Variants in PRRG2 observed in about 807,000 individuals in gnomAD.
PRRG2 encodes transmembrane gamma-carboxyglutamic acid protein 2.
PRRG2 carries 23 observed loss-of-function variants against 27.1 expected under a neutral mutation model. The ratio of observed to expected loss-of-function variants is 0.85; its 90% confidence interval spans 0.61 to 1.20. The LOEUF (loss-of-function observed/expected upper bound fraction) is 1.20. Ranked by LOEUF, PRRG2 falls within the 50% of genes most tolerant of loss-of-function variation. The probability of loss-of-function intolerance (pLI) is 0.00; values close to 1 mark genes in which losing one functional copy is unlikely to be tolerated. For missense variants in PRRG2, 276 were observed against 254.8 expected (o/e 1.08, Z -0.57); for synonymous variants, 104 against 103.4 (o/e 1.01, Z -0.03).
intron 4 of PRRG2, among the ~76,000 whole-genome samples, chr19:49,586,167 G>C (rs1472278208): frequency 6.7e-6 from 1 of 149,978 alleles, no homozygotes; most frequent in Non-Finnish European, 1.5e-5. Context: ...CTGCAGCCTC[G>C]ACCTCCTAGG....
At position 49,583,729 on chromosome 19, in the gene PRRG2, G is replaced by C. The variant is rs777733518; in HGVS notation, c.261+12G>C. The C allele has an allele frequency of 1.2e-6, 2 of 1,612,676 alleles. No individual in the cohort carries two copies. The highest frequency in any genetic ancestry group is 2.2e-5 in the South Asian group (2 of 91,032). ...ACAACACTCTCACGGTGAGGGCCTC[G>C]AGACCCTGGAGTTTCGGGCCCTCTC... On this transcript the variant is annotated intron_variant, in intron 3 of 6. Transcript: ENST00000246794.
intron 1 of PRRG2, 31 bp from the exon 2 acceptor site, chr19:49,583,176 C>A (rs1393343107): frequency 1.9e-6 from 3 of 1,573,844 alleles, no homozygotes; most frequent in Non-Finnish European, 2.6e-6. Context: ...GGGACTAAGG[C>A]CCTTGTCAGC....
chr19:49,589,941 G>A lies in PRRG2; in HGVS notation c.479G>A (p.Gly160Asp). The A allele has an allele frequency of 6.2e-7, 1 of 1,609,610 alleles. No individual in the cohort carries two copies. Residue 160 changes from glycine (G) to aspartate (D), a missense_variant, in exon 6 of 7, where the codon GGC (glycine) becomes GAC (aspartate). Physicochemically the swap from Gly to Asp is moderately conservative, Grantham distance 94 (BLOSUM62 -1). Transcript: ENST00000246794. The stretch of plus-strand genomic sequence containing the variant: ...CCTCTGAGTCCTTTGAACCCTCTGG[G>A]CCCACCGACGCCCCTGCCTCCACCC... ...ISPLSPLNPL[G>D]PPTPLPPPPP...
At chr19:49,590,338 C>G (rs905322184) in intron 6 of PRRG2, 33 bp from the exon 7 acceptor site, 2 of 1,614,036 alleles carry the variant, frequency 1.2e-6, no homozygotes, top group East Asian at 2.2e-5. Flanking sequence ...ACAGCCAGAT[C>G]TTTGACTCCC....
Position 49,590,628 on chromosome 19 carries a change from C to T in PRRG2, c.*239C>T. 1 of 590,802 alleles carries T rather than the reference C, an allele frequency of 1.7e-6. No individual in the cohort carries two copies. The allele number at this position is 590,802 out of a possible 1,614,324, so 36.6% of individuals were successfully genotyped here. A position where few individuals can be genotyped will look rare whatever the true frequency, so the allele number is the denominator to read the frequency against. On this transcript the variant is annotated 3_prime_UTR_variant, in exon 7 of 7. Transcript: ENST00000246794. Reference sequence around the variant, plus strand: ...TCACGGGCCCCCACACTCTCCTGACCGTGAGGGCACTGGTCAGTTCCGCCC... The same window carrying T: ...TCACGGGCCCCCACACTCTCCTGACTGTGAGGGCACTGGTCAGTTCCGCCC...
rs777401895 is a variant in PRRG2 at position 49,590,368 on chromosome 19, C to G, written c.591-3C>G. ...ACTCCCTAGTGTGCCTTTCCTCTTG[C>G]AGCCTCAGGAGGCCTCACTGAAGAG... On this transcript the variant is annotated splice_region_variant and splice_polypyrimidine_tract_variant and intron_variant, in intron 6 of 6. Coordinates refer to ENST00000246794, the MANE Select transcript of PRRG2 (RefSeq NM_000951.3). 28 of 1,614,054 alleles carry G rather than the reference C, an allele frequency of 1.7e-5. No individual in the cohort carries two copies. Among genetic ancestry groups the G allele is most frequent in the Middle Eastern group, 3.3e-4 (2 of 6,084 alleles).
At chr19:49,584,722 C>G (rs2080656256) in intron 4 of PRRG2, among the ~76,000 whole-genome samples, 1 of 152,198 alleles carries the variant, frequency 6.6e-6, no homozygotes, top group African/African-American at 2.4e-5. Context: ...CTTCAGTGTC[C>G]CAGACTGCTG....
chr19:49,581,923 C>T (rs1363207776), intron 1 of PRRG2, among the ~76,000 whole-genome samples: 1 of 152,018 alleles, frequency 6.6e-6, no homozygotes, highest in Admixed American at 6.6e-5. Context: ...CCTCAGTTTC[C>T]TGTTCTCTAT....
intron 5 of PRRG2, 136 bp from the exon 6 acceptor site, chr19:49,589,764 C>T: frequency 1.0e-6 from 1 of 986,058 alleles, no homozygotes; most frequent in East Asian, 2.4e-5. Context: ...GGTGACCCTC[C>T]TTTTCTGAAG....
At chr19:49,581,046 A>G (rs897230249), upstream of PRRG2, among the ~76,000 whole-genome samples, 4 of 152,206 alleles carry the variant, frequency 2.6e-5, no homozygotes, top group African/African-American at 9.6e-5. Flanking sequence ...CAGCTGTCCC[A>G]GGGACTAAGG....
intron 4 of PRRG2, among the ~76,000 whole-genome samples, chr19:49,588,251 C>T (rs2080687132): frequency 6.6e-6 from 1 of 152,250 alleles, no homozygotes; most frequent in Non-Finnish European, 1.5e-5. Context: ...GCATGAGCCA[C>T]TACATCCAGC....
At chr19:49,584,099 G>T in intron 4 of PRRG2, 147 bp downstream of exon 4, 1 of 757,910 alleles carries the variant, frequency 1.3e-6, no homozygotes, top group East Asian at 3.0e-5. Context: ...TGCTAAAGGA[G>T]TTCCCTCCCT....
rs550413375 is a variant in PRRG2, at chr19:49,581,805, G to A, written c.-14+324G>A. ...AGACACAGTGGGGAAAGAAAGATAAGCTGCCTGCTCCTTGCTTTCTTCTCT... is the reference window on the plus strand; with the variant it reads ...AGACACAGTGGGGAAAGAAAGATAAACTGCCTGCTCCTTGCTTTCTTCTCT... On this transcript the variant is annotated intron_variant, in intron 1 of 6. Transcript: ENST00000246794. Among the ~76,000 whole-genome samples the A allele has an allele frequency of 2.0e-5, 3 of 152,278 alleles. No individual in the cohort carries two copies. In the South Asian group the frequency reaches 6.2e-4, roughly 32 times the overall value.
rs755473885 is a variant in PRRG2 at position 49,583,263 on chromosome 19, CCACCTGCCTGGATACTT to C, written c.49_65del (p.Cys17GlnfsTer2). On this transcript the variant is annotated frameshift_variant, in exon 2 of 7. Transcript: ENST00000246794. LOFTEE classifies it high-confidence loss of function. ...CTGCTGCTGCTATATATGGCATTAA[CCACCTGCCTGGATACTT>C]CACCCAGTGAGGAGACAGACCAAGG... 6.2e-7 allele frequency: 1 copy of C among 1,614,184 alleles called. No homozygotes were observed. Among genetic ancestry groups the C allele is most frequent in the South Asian group, 1.1e-5 (1 of 91,086 alleles).
chr19:49,585,178 G>A (rs1018059089), intron 4 of PRRG2, among the ~76,000 whole-genome samples: 4 of 152,192 alleles, frequency 2.6e-5, no homozygotes, highest in Admixed American at 6.5e-5. Context: ...CAGCTGCCTG[G>A]TTGCTAAGGA....
intron 5 of PRRG2, 112 bp from the exon 6 acceptor site, chr19:49,589,788 C>A: frequency 8.1e-7 from 1 of 1,230,124 alleles, no homozygotes; most frequent in Admixed American, 1.9e-5. Context: ...ACCTCCCTTC[C>A]AGCTCTGTCC....
At chr19:49,590,325 A>G in intron 6 of PRRG2, 46 bp from the exon 7 acceptor site, 1 of 1,613,952 alleles carries the variant, frequency 6.2e-7, no homozygotes, top group Non-Finnish European at 8.5e-7. Flanking sequence ...AGGGGGGAGA[A>G]AAACAGCCAG....
chr19:49,584,191 GAC>G (rs2122236016), intron 4 of PRRG2, among the ~76,000 whole-genome samples: 1 of 143,958 alleles, frequency 6.9e-6, no homozygotes, highest in East Asian at 2.0e-4. Flanking sequence ...TTTTTTTTGA[GAC>G]AGAGTCTCGC....
upstream of PRRG2, among the ~76,000 whole-genome samples, chr19:49,580,968 A>G (rs2080617977): frequency 6.6e-6 from 1 of 152,218 alleles, no homozygotes; most frequent in Admixed American, 6.5e-5. Context: ...AGACAGAGCC[A>G]TTGGGAAATT....
Sources: allele counts gnomAD v4.1 joint callset (sites outside exome capture counted in the v4.1 genomes callset), GRCh38; gene constraint gnomAD v4.1.1; transcripts MANE v1.5; gene names NCBI Gene and HGNC (gene_info 2026-07-23, HGNC 2026-07-21).